Variants in ANO10 observed in about 807,000 individuals in gnomAD.
The protein encoded by ANO10 is anoctamin-10.
ANO10 carries 77 observed loss-of-function variants against 74.7 expected under a neutral mutation model. The ratio of observed to expected loss-of-function variants is 1.03; its 90% CI spans 0.86 to 1.25. The LOEUF (loss-of-function observed/expected upper bound fraction) is 1.25, where lower values mean the gene tolerates loss of function less well. ANO10 is among the 50% of genes most tolerant of loss of function. The probability of loss-of-function intolerance (pLI) is 0.00; values close to 1 mark genes in which losing one functional copy is unlikely to be tolerated. For missense variants in ANO10, 721 were observed against 778.1 expected, an observed-to-expected ratio of 0.93 and a Z score of 0.87; for synonymous variants, 279 against 284.9, an observed-to-expected ratio of 0.98 and a Z score of 0.21.
chr3:43,511,029 T>C (rs1353737573), intron 11 of ANO10, among the ~76,000 whole-genome samples: 2 of 152,318 alleles, frequency 1.3e-5, no homozygotes, highest in East Asian at 3.9e-4. Flanking sequence ...AAAAGCAAGA[T>C]AGTATAGTTT....
chr3:43,430,838 G>A (rs2092969418), intron 12 of ANO10, among the ~76,000 whole-genome samples: 1 of 151,782 alleles, frequency 6.6e-6, no homozygotes, highest in Non-Finnish European at 1.5e-5. Context: ...TTTGATCCCA[G>A]TAAAGTTTAA....
intron 10 of ANO10, chr3:43,551,585 T>G (rs199995786): frequency 1.1e-5 from 5 of 456,826 alleles, no homozygotes; most frequent in Non-Finnish European, 2.2e-5. Flanking sequence ...AAACAAAATA[T>G]GATCTGCTTT....
In ANO10 at chr3:43,366,495, C is replaced by T; in HGVS notation, c.*411G>A. 1 of 350,602 alleles carries T rather than the reference C, an allele frequency of 2.9e-6. No individual in the cohort carries two copies. Among genetic ancestry groups the T allele is most frequent in the Non-Finnish European group, 5.5e-6 (1 of 180,654 alleles). 21.7% of individuals were successfully genotyped at this position (350,602 alleles called of 1,614,324 possible). On this transcript the variant is annotated 3_prime_UTR_variant, in exon 13 of 13. Coordinates refer to ENST00000292246, the MANE Select transcript of ANO10 (RefSeq NM_018075.5). ...TCAACTGAGGCTCCTGTGATGAGCA[C>T]AGTGGGCACACACCCCATCCCCAAC...
intron 1 of ANO10, among the ~76,000 whole-genome samples, chr3:43,668,553 G>C (rs960942300): frequency 2.6e-5 from 4 of 151,988 alleles, no homozygotes; most frequent in African/African-American, 9.7e-5. Context: ...AACTCTTACT[G>C]TTTTAGGTCT....
intron 11 of ANO10, among the ~76,000 whole-genome samples, chr3:43,489,065 C>A (rs1359895455): frequency 6.6e-6 from 1 of 150,724 alleles, no homozygotes; most frequent in Non-Finnish European, 1.5e-5. Flanking sequence ...TAAACTATCA[C>A]AAGAACAAAA....
chr3:43,673,331 C>A (rs1034971485), intron 1 of ANO10, among the ~76,000 whole-genome samples: 1 of 152,118 alleles, frequency 6.6e-6, no homozygotes, highest in Non-Finnish European at 1.5e-5. Context: ...TTCAGTAAGC[C>A]GTATTCAACT....
At chr3:43,435,904 C>G (rs1007997896) in intron 11 of ANO10, among the ~76,000 whole-genome samples, 1 of 152,164 alleles carries the variant, frequency 6.6e-6, no homozygotes, top group Non-Finnish European at 1.5e-5. Flanking sequence ...GACAACACAG[C>G]AGAGATAGAA....
chr3:43,417,081 T>C (rs1391967763), intron 12 of ANO10, among the ~76,000 whole-genome samples: 1 of 152,300 alleles, frequency 6.6e-6, no homozygotes, highest in Non-Finnish European at 1.5e-5. Flanking sequence ...CTTAGGCAGA[T>C]AGGGTACAGA....
intron 11 of ANO10, among the ~76,000 whole-genome samples, chr3:43,511,997 A>T (rs2077525307): frequency 6.6e-6 from 1 of 152,188 alleles, no homozygotes; most frequent in Non-Finnish European, 1.5e-5. Flanking sequence ...AACCCAGGCA[A>T]TCAGGCAATC....
chr3:43,622,751 T>C (rs190110653), upstream of ANO10, among the ~76,000 whole-genome samples: 2 of 152,260 alleles, frequency 1.3e-5, no homozygotes, highest in Non-Finnish European at 2.9e-5. Context: ...GGGCTCTCAC[T>C]TTCTCCCTGA....
chr3:43,377,748 C>A (rs1001968800), intron 12 of ANO10, among the ~76,000 whole-genome samples: 12 of 152,316 alleles, frequency 7.9e-5, no homozygotes. Flanking sequence ...CAAAGAAACC[C>A]CCGCAGGCTC....
rs368056173 is a variant in ANO10 at position 43,640,782 on chromosome 3, G to A, written c.-11-34919C>T. On this transcript the variant is annotated intron_variant, in intron 1 of 3. Transcript: ENST00000413397. ...TAATGAATAATTAAGAGAATGAAAT[G>A]GTTTTCAATAAGATTTCATGCTTAG... Among the ~76,000 whole-genome samples, 13 of 152,260 alleles carry A rather than the reference G, an allele frequency of 8.5e-5. No individual in the cohort carries two copies. The South Asian group carries it at 2.5e-3, about 29-fold the overall frequency.
intron 1 of ANO10, among the ~76,000 whole-genome samples, chr3:43,636,007 A>G (rs575871541): frequency 6.6e-6 from 1 of 152,150 alleles, no homozygotes; most frequent in Admixed American, 6.5e-5. Flanking sequence ...ATCCTTAACA[A>G]ACAAGTAAAA....
intron 11 of ANO10, among the ~76,000 whole-genome samples, chr3:43,467,861 A>C (rs2075692392): frequency 6.6e-6 from 1 of 152,216 alleles, no homozygotes; most frequent in Non-Finnish European, 1.5e-5. Flanking sequence ...GAGATTCACA[A>C]ACCAAATTGT....
chr3:43,565,895 G>A (rs892006484), intron 7 of ANO10, among the ~76,000 whole-genome samples, 168 bp from the exon 8 acceptor site: 1 of 152,152 alleles, frequency 6.6e-6, no homozygotes, highest in Non-Finnish European at 1.5e-5. Flanking sequence ...GCAGAAGACG[G>A]GTGATTTCTG....
At chr3:43,678,539 A>G (rs186245666) in intron 1 of ANO10, among the ~76,000 whole-genome samples, 1 of 152,324 alleles carries the variant, frequency 6.6e-6, no homozygotes, top group African/African-American at 2.4e-5. Context: ...CATTCTGATT[A>G]CCGGTGCATG....
At chr3:43,582,179 C>T (rs563612444) in intron 4 of ANO10, among the ~76,000 whole-genome samples, 21 of 152,132 alleles carry the variant, frequency 1.4e-4, no homozygotes, top group Non-Finnish European at 3.1e-4. Context: ...TGGCTGGGCG[C>T]GGTGGCTCAC....
chr3:43,543,223 T>G (rs1455979288), intron 11 of ANO10, among the ~76,000 whole-genome samples: 1 of 152,198 alleles, frequency 6.6e-6, no homozygotes, highest in Non-Finnish European at 1.5e-5. Context: ...CAGTGAATCC[T>G]GATAAAGAAT....
chr3:43,524,262 A>T (rs2078089288), intron 11 of ANO10, among the ~76,000 whole-genome samples: 1 of 3,092 alleles, frequency 3.2e-4, no homozygotes, highest in Non-Finnish European at 6.8e-3. Context: ...AGAATAACTG[A>T]GTCATTTGCT....
Sources: gnomAD v4.1 joint callset for allele counts (sites outside exome capture counted in the v4.1 genomes callset) on GRCh38, gnomAD v4.1.1 for gene constraint, MANE v1.5 for transcripts, NCBI Gene and HGNC (gene_info 2026-07-23, HGNC 2026-07-21) for gene names.